EDC3: variants seen among roughly 807,000 people sequenced by gnomAD.
EDC3 encodes enhancer of mRNA-decapping protein 3.
Under a neutral mutation model 41.8 loss-of-function variants are expected in EDC3, and 20 were observed. That is an observed-to-expected ratio of 0.48 (90% CI 0.34 to 0.70). The LOEUF is 0.70. Ranked by LOEUF, EDC3 falls within the 30% of genes least tolerant of loss-of-function variation. The pLI is 0.01. For synonymous variants in EDC3, 206 were observed against 243.2 expected (o/e 0.85, Z 1.42); for missense variants, 444 against 636.8 (o/e 0.70, Z 3.26).
chr15:74,683,538 G>C (rs1247871077), intron 1 of EDC3, among the ~76,000 whole-genome samples: 1 of 151,290 alleles, frequency 6.6e-6, no homozygotes, highest in Non-Finnish European at 1.5e-5. Flanking sequence ...AGCAACATGG[G>C]GGACTCTTGT....
intron 1 of EDC3, among the ~76,000 whole-genome samples, chr15:74,675,382 G>A (rs368086147): frequency 6.6e-6 from 1 of 151,322 alleles, no homozygotes; most frequent in Admixed American, 6.6e-5. Context: ...GCATACATTG[G>A]ATAAAGATAT....
intron 1 of EDC3, among the ~76,000 whole-genome samples, chr15:74,685,549 A>C (rs2062927324): frequency 6.6e-6 from 1 of 152,246 alleles, no homozygotes; most frequent in South Asian, 2.1e-4. Flanking sequence ...AATGAATTAG[A>C]AATAATAAAC....
rs763431565 is a variant in EDC3 at position 74,630,829 on chromosome 15, G to A, written c.*1783C>T. 3.9e-5 allele frequency: 6 copies of A among 152,316 alleles called. No homozygotes were observed. Among genetic ancestry groups the A allele is most frequent in the African/African-American group, 7.2e-5 (3 of 41,444 alleles). The allele number at this position is 152,316 out of a possible 1,614,324, so 9.4% of individuals were successfully genotyped here. Reference sequence around the variant, plus strand: ...GCACAAACTCCCAGTGGCCCTGCAAGGCTATCATCCCTGGATCTTGCTGGA... The same window carrying A: ...GCACAAACTCCCAGTGGCCCTGCAAAGCTATCATCCCTGGATCTTGCTGGA... On this transcript the variant is annotated 3_prime_UTR_variant, in exon 7 of 7. Coordinates refer to ENST00000315127, the MANE Select transcript of EDC3 (RefSeq NM_025083.5).
chr15:74,638,857 A>T (rs2062309842), intron 5 of EDC3: 1 of 152,008 alleles, frequency 6.6e-6, no homozygotes, highest in South Asian at 2.1e-4. Context: ...AAATCCATTC[A>T]ATTACCTTGC....
chr15:74,678,804 C>A (rs1257150339), intron 1 of EDC3, among the ~76,000 whole-genome samples: 1 of 148,948 alleles, frequency 6.7e-6, no homozygotes, highest in Non-Finnish European at 1.5e-5. Flanking sequence ...GCAGAAGAAT[C>A]GCTTGAAATG....
intron 1 of EDC3, among the ~76,000 whole-genome samples, chr15:74,693,289 G>T (rs537711561): frequency 3.9e-4 from 60 of 152,228 alleles, no homozygotes; most frequent in African/African-American, 1.4e-3. Context: ...TTTTATTATA[G>T]AACTCCTGTG....
At chr15:74,680,291 T>C (rs1056930248) in intron 1 of EDC3, among the ~76,000 whole-genome samples, 1 of 146,620 alleles carries the variant, frequency 6.8e-6, no homozygotes. Context: ...AAAAGATTTA[T>C]ACACCACACC....
chr15:74,657,290 C>T (rs926749222), intron 3 of EDC3, among the ~76,000 whole-genome samples: 7 of 152,236 alleles, frequency 4.6e-5, no homozygotes, highest in African/African-American at 1.4e-4. Flanking sequence ...ACAGAGTTCG[C>T]TCCTGCTGGT....
chr15:74,677,790 C>A (rs1434233524), intron 1 of EDC3, among the ~76,000 whole-genome samples: 1 of 152,120 alleles, frequency 6.6e-6, no homozygotes, highest in Non-Finnish European at 1.5e-5. Context: ...TAAATCTGCA[C>A]GTGGATGTTT....
intron 4 of EDC3, among the ~76,000 whole-genome samples, chr15:74,646,072 T>G (rs867534083): frequency 0.023 from 3,530 of 150,552 alleles, 147 homozygotes; most frequent in African/African-American, 0.081. Flanking sequence ...TTGTTTTTTT[T>G]TTTTTTTTTT....
Position 74,671,570 on chromosome 15 carries a change from C to A in EDC3, c.369G>T (p.Val123=). 6.2e-7 allele frequency: 1 copy of A among 1,614,186 alleles called. No homozygotes were observed. The highest frequency in any genetic ancestry group is 8.5e-7 in the Non-Finnish European group (1 of 1,180,028). Residue 123 remains valine (V), a synonymous_variant, in exon 3 of 7, where the codon GTG becomes GTT. Coordinates refer to ENST00000315127, the MANE Select transcript of EDC3 (RefSeq NM_025083.5). This position sits in a 1 kb window ranked among gnomAD's most constrained non-coding sequence, Gnocchi z 4.6. ...GGGAAACGGCAACATCCTGGCTCTT[C>A]ACATCTGTCCTCTTAGGGATATTCT... is the stretch of plus-strand genomic sequence containing the variant. ...APQNIPKRTD[V]KSQDVAVSPQ...
chr15:74,673,837 C>CAAAAAAA (rs748537794), intron 2 of EDC3, among the ~76,000 whole-genome samples: 1 of 47,262 alleles, frequency 2.1e-5, no homozygotes. Context: ...GAGACTCCAT[C>CAAAAAAA]AAAAAAAAAA....
chr15:74,681,572 T>C (rs763276800), intron 1 of EDC3, among the ~76,000 whole-genome samples: 1 of 152,172 alleles, frequency 6.6e-6, no homozygotes, highest in East Asian at 1.9e-4. Flanking sequence ...ATCGATAAAA[T>C]AGAAGGCAGA....
At chr15:74,653,283 AT>A (rs1017369991) in intron 4 of EDC3, among the ~76,000 whole-genome samples, 6 of 151,930 alleles carry the variant, frequency 3.9e-5, no homozygotes, top group African/African-American at 1.5e-4. Context: ...TAACACTAAC[AT>A]TTTATGCTTT....
intron 3 of EDC3, among the ~76,000 whole-genome samples, chr15:74,657,254 C>T (rs565314224): frequency 6.6e-6 from 1 of 152,346 alleles, no homozygotes; most frequent in East Asian, 1.9e-4. Flanking sequence ...GTAGACACCC[C>T]ACCTAGATGC....
intron 1 of EDC3, among the ~76,000 whole-genome samples, chr15:74,681,682 G>A (rs1029459571): frequency 1.3e-5 from 2 of 152,102 alleles, no homozygotes; most frequent in African/African-American, 4.8e-5. Context: ...AATAGCGCTG[G>A]AGCAAATGTA....
At chr15:74,656,979 C>T (rs1371713360) in intron 3 of EDC3, among the ~76,000 whole-genome samples, 1 of 152,230 alleles carries the variant, frequency 6.6e-6, no homozygotes, top group Admixed American at 6.5e-5. Flanking sequence ...CTGACTGTCC[C>T]CTTTTCAGCT....
chr15:74,689,478 C>T (rs537958938), intron 1 of EDC3, among the ~76,000 whole-genome samples: 1 of 152,212 alleles, frequency 6.6e-6, no homozygotes, highest in African/African-American at 2.4e-5. Context: ...GAACTTGCTA[C>T]CAAAGTTCAT....
chr15:74,695,223 A>T (rs1281648565), intron 1 of EDC3: 2 of 152,034 alleles, frequency 1.3e-5, no homozygotes, highest in Admixed American at 6.6e-5. Context: ...AGCAATTGCT[A>T]TTGGGAGATT....
Sources: allele counts gnomAD v4.1 joint callset (sites outside exome capture counted in the v4.1 genomes callset), GRCh38; gene constraint gnomAD v4.1.1; non-coding constraint Gnocchi (gnomAD v3.1); transcripts MANE v1.5; gene names NCBI Gene and HGNC (gene_info 2026-07-23, HGNC 2026-07-21).